PARD3B: variants seen among roughly 807,000 people sequenced by gnomAD.
The protein encoded by PARD3B is partitioning defective 3 homolog B.
PARD3B carries 103 observed loss-of-function variants against 130.2 expected under a neutral mutation model. The ratio of observed to expected loss-of-function variants is 0.79; its 90% CI spans 0.67 to 0.93. PARD3B has a LOEUF of 0.93. Ranked by LOEUF, PARD3B falls within the 40% of genes least tolerant of loss-of-function variation. The pLI, the probability that PARD3B is intolerant of heterozygous loss-of-function variation, is 0.00. For missense variants in PARD3B, 1,609 were observed against 1,499.2 expected (o/e 1.07, Z -1.21); for synonymous variants, 583 against 553.2 (o/e 1.05, Z -0.76).
At chr2:204,855,552 A>AAAATAT (rs892814373) in intron 2 of PARD3B, among the ~76,000 whole-genome samples, 1 of 143,136 alleles carries the variant, frequency 7.0e-6, no homozygotes, top group Non-Finnish European at 1.5e-5. Context: ...AAGAAAAAAA[A>AAAATAT]ATATATATAT....
At chr2:204,639,600 A>G (rs2035003773) in intron 1 of PARD3B, among the ~76,000 whole-genome samples, 1 of 152,186 alleles carries the variant, frequency 6.6e-6, no homozygotes, top group South Asian at 2.1e-4. Context: ...ATTTAATTGT[A>G]TTTTGTATTA....
intron 2 of PARD3B, among the ~76,000 whole-genome samples, chr2:204,815,190 A>G (rs777494942): frequency 6.6e-6 from 1 of 151,962 alleles, no homozygotes; most frequent in Non-Finnish European, 1.5e-5. Flanking sequence ...TAAAAAACAA[A>G]TTCAATTACT....
chr2:204,951,582 A>G (rs1451448774), intron 2 of PARD3B, among the ~76,000 whole-genome samples: 1 of 152,214 alleles, frequency 6.6e-6, no homozygotes, highest in African/African-American at 2.4e-5. Flanking sequence ...TACTTTTTTA[A>G]TAGATGAACT....
At chr2:205,583,377 C>CTCTGTGTG (rs1553553115) in intron 22 of PARD3B, among the ~76,000 whole-genome samples, 2 of 150,374 alleles carry the variant, frequency 1.3e-5, no homozygotes, top group Non-Finnish European at 3.0e-5. Context: ...CTCCTAAGCT[C>CTCTGTGTG]TGTGTGTGTG....
At chr2:204,927,176 A>G (rs995776211) in intron 2 of PARD3B, among the ~76,000 whole-genome samples, 10 of 152,150 alleles carry the variant, frequency 6.6e-5, no homozygotes, top group Admixed American at 5.2e-4. Context: ...GACTAATGCA[A>G]TGGACTGAAT....
At chr2:205,141,574 C>CCAAA (rs199866584) in intron 10 of PARD3B, among the ~76,000 whole-genome samples, 1,537 of 152,222 alleles carry the variant, frequency 0.01, 29 homozygotes, top group African/African-American at 0.035. Flanking sequence ...ATCAAATGAG[C>CCAAA]CAAAGTAAAT....
intron 4 of PARD3B, among the ~76,000 whole-genome samples, chr2:205,075,589 A>G (rs1559413739): frequency 6.6e-6 from 1 of 151,714 alleles, no homozygotes; most frequent in African/African-American, 2.4e-5. Context: ...TAGGTTGCAA[A>G]ATTATTTCTA....
Position 205,615,872 on chromosome 2 carries a change from C to G in PARD3B, c.*59C>G. 1 of 1,403,664 alleles carries G rather than the reference C, an allele frequency of 7.1e-7. No individual in the cohort carries two copies. Among genetic ancestry groups the G allele is most frequent in the Non-Finnish European group, 9.8e-7 (1 of 1,025,052 alleles). 87.0% of individuals were successfully genotyped at this position (1,403,664 alleles called of 1,614,324 possible). A position where few individuals can be genotyped will look rare whatever the true frequency, so the allele number is the denominator to read the frequency against. ...GGAAGGTGTCTACTCTACCTTTGCC[C>G]TTTCTAAACCTGAAGACCTCCTTGG... On this transcript the variant is annotated 3_prime_UTR_variant, in exon 23 of 23. Transcript: ENST00000406610.
At chr2:205,569,768 G>A (rs1335319604) in intron 22 of PARD3B, among the ~76,000 whole-genome samples, 1 of 152,162 alleles carries the variant, frequency 6.6e-6, no homozygotes, top group African/African-American at 2.4e-5. Flanking sequence ...TACAACACCA[G>A]GTATTCAGTG....
rs548888491 is a variant in PARD3B, at chr2:205,559,190, C to T, written c.3260+5787C>T. ...ATGGTCTGATCTCATCTGTTGCCCA[C>T]GTTGGAGTACAGTGGTACAATCTCA... On this transcript the variant is annotated intron_variant, in intron 22 of 22. Coordinates refer to ENST00000406610, the MANE Select transcript of PARD3B (RefSeq NM_001302769.2). Among the ~76,000 whole-genome samples the T allele has an allele frequency of 7.9e-5, 12 of 152,294 alleles. 1 individual carries two copies. In the South Asian group the frequency reaches 2.3e-3, roughly 29 times the overall value.
rs979237350 is a variant in PARD3B at position 205,606,072 on chromosome 2, G to C, written c.3261-9384G>C. Reference sequence around the variant, plus strand: ...CTGCACTGTGGGGAATTCCTCCTGGGTCCAAACCATCTAGTCTCCCTGGCG... The same window carrying C: ...CTGCACTGTGGGGAATTCCTCCTGGCTCCAAACCATCTAGTCTCCCTGGCG... On this transcript the variant is annotated intron_variant, in intron 22 of 22. Coordinates refer to ENST00000406610, the MANE Select transcript of PARD3B (RefSeq NM_001302769.2). Among the ~76,000 whole-genome samples, 7 of 151,972 alleles carry C rather than the reference G, an allele frequency of 4.6e-5. No homozygotes were observed. In the East Asian group the frequency reaches 1.4e-3, roughly 29 times the overall value.
At position 204,994,502 on chromosome 2, in the gene PARD3B, A is replaced by G. The variant is rs546832608; in HGVS notation, c.394+29179A>G. On this transcript the variant is annotated intron_variant, in intron 3 of 22. Transcript: ENST00000406610. ...GCTGAGGAGAGCTTTACTTCCAAGT[A>G]TGTGGTCAATTTTGGAATAGGTGTG... Among the ~76,000 whole-genome samples the G allele has an allele frequency of 4.0e-4, 52 of 129,050 alleles. 1 individual carries two copies. The highest frequency in any genetic ancestry group is 1.4e-3 in the African/African-American group (47 of 33,892). 84.7% of individuals were successfully genotyped at this position (129,050 alleles called of 152,430 possible).
intron 20 of PARD3B, among the ~76,000 whole-genome samples, chr2:205,456,355 G>T (rs913928716): frequency 1.3e-5 from 2 of 152,036 alleles, no homozygotes; most frequent in Non-Finnish European, 2.9e-5. Flanking sequence ...AACATATGTT[G>T]TATGTCTTCC....
At chr2:205,426,117 ATAT>A (rs981671351) in intron 19 of PARD3B, among the ~76,000 whole-genome samples, 4 of 152,188 alleles carry the variant, frequency 2.6e-5, no homozygotes, top group African/African-American at 7.2e-5. Context: ...CGTTTAGAAA[ATAT>A]TATAGACACC....
At chr2:204,686,526 A>T (rs1038690511) in intron 2 of PARD3B, among the ~76,000 whole-genome samples, 1 of 152,166 alleles carries the variant, frequency 6.6e-6, no homozygotes, top group African/African-American at 2.4e-5. Context: ...AGTTTCTGAT[A>T]TGTCTTAATA....
chr2:205,444,114 C>G (rs1258373167), intron 20 of PARD3B, among the ~76,000 whole-genome samples: 1 of 152,182 alleles, frequency 6.6e-6, no homozygotes, highest in Non-Finnish European at 1.5e-5. Flanking sequence ...TCCCAAGTAG[C>G]TGGGACTACC....
At chr2:205,080,343 A>AT (rs1233157715) in intron 4 of PARD3B, among the ~76,000 whole-genome samples, 5 of 151,906 alleles carry the variant, frequency 3.3e-5, no homozygotes, top group African/African-American at 1.2e-4. Context: ...GTTATGTATA[A>AT]TTTTCACTTT....
At chr2:205,181,261 T>C (rs2035771737) in intron 13 of PARD3B, among the ~76,000 whole-genome samples, 1 of 152,210 alleles carries the variant, frequency 6.6e-6, no homozygotes, top group African/African-American at 2.4e-5. Flanking sequence ...TGTGTATCTT[T>C]CTGGGGACCA....
At chr2:204,642,376 G>A (rs928837132) in intron 1 of PARD3B, among the ~76,000 whole-genome samples, 21 of 152,170 alleles carry the variant, frequency 1.4e-4, no homozygotes, top group African/African-American at 4.3e-4. Flanking sequence ...ATTGGTCAGA[G>A]TGTTGCTGTT....
Sources: allele counts gnomAD v4.1 joint callset (sites outside exome capture counted in the v4.1 genomes callset), GRCh38; gene constraint gnomAD v4.1.1; transcripts MANE v1.5; gene names NCBI Gene and HGNC (gene_info 2026-07-23, HGNC 2026-07-21).